Variants in FRMD4B observed in about 807,000 individuals in gnomAD.
FRMD4B encodes FERM domain containing 4B, also known as FERM domain-containing protein 4B.
FRMD4B carries 74 observed loss-of-function variants against 141.5 expected under a neutral mutation model. The ratio of observed to expected loss-of-function variants is 0.52; its 90% CI spans 0.43 to 0.63. FRMD4B has a LOEUF of 0.63. FRMD4B is among the 30% of genes least tolerant of loss of function. FRMD4B has a pLI of 0.00. For missense variants in FRMD4B, 1,366 were observed against 1,253.4 expected (o/e 1.09, Z -1.36); for synonymous variants, 506 against 467.9 (o/e 1.08, Z -1.05).
intron 1 of FRMD4B, among the ~76,000 whole-genome samples, chr3:69,443,042 G>A (rs1705363615): frequency 6.6e-6 from 1 of 152,172 alleles, no homozygotes; most frequent in South Asian, 2.1e-4. Flanking sequence ...CTGAGTTTAT[G>A]TTAATGAGAT....
chr3:69,314,270 G>GT (rs1701729366), intron 1 of FRMD4B, among the ~76,000 whole-genome samples: 1 of 133,226 alleles, frequency 7.5e-6, no homozygotes, highest in Admixed American at 8.2e-5. Context: ...GCTCACTCCT[G>GT]TAATCCTAGC....
rs1460409802 is a variant in FRMD4B, at chr3:69,169,370, T to TA, written c.*2490_*2491insT. ...ATTTCTTTCTTTTTTTTTTTTTTTTTTTTTTCTTGAGACAAGGTCTGTTAT... is the reference window on the plus strand; with the variant it reads ...ATTTCTTTCTTTTTTTTTTTTTTTTTATTTTTCTTGAGACAAGGTCTGTTAT... On this transcript the variant is annotated 3_prime_UTR_variant, in exon 23 of 23. Coordinates refer to ENST00000398540, the MANE Select transcript of FRMD4B (RefSeq NM_015123.3). 9.5e-5 allele frequency among the ~76,000 whole-genome samples: 14 copies of TA among 148,050 alleles called. No homozygotes were observed. The highest frequency in any genetic ancestry group is 3.3e-4 in the African/African-American group (13 of 39,198).
In FRMD4B at chr3:69,193,630, AC is replaced by A. The variant is rs2092865182; in HGVS notation, c.1714+17del. ...CTGAGTAGGGGACTCAAAAAAAAAA[AC>A]CTTACTTATTACTAACCTGGTAACA... On this transcript the variant is annotated intron_variant, in intron 17 of 22. Transcript: ENST00000398540. 1.4e-6 allele frequency: 2 copies of A among 1,432,730 alleles called. No homozygotes were observed. Among genetic ancestry groups the A allele is most frequent in the East Asian group, 4.6e-5 (2 of 43,774 alleles). The allele number at this position is 1,432,730 out of a possible 1,614,324, so 88.8% of individuals were successfully genotyped here. A position where few individuals can be genotyped will look rare whatever the true frequency, so the allele number is the denominator to read the frequency against.
chr3:69,511,942 C>T (rs1411616262), intron 1 of FRMD4B, among the ~76,000 whole-genome samples: 2 of 152,140 alleles, frequency 1.3e-5, no homozygotes, highest in African/African-American at 4.8e-5. Flanking sequence ...TCAGCGAAGA[C>T]ATCCTGGAGG....
At chr3:69,172,982 G>A (rs146575035) in intron 22 of FRMD4B, among the ~76,000 whole-genome samples, 1 of 152,114 alleles carries the variant, frequency 6.6e-6, no homozygotes, top group Admixed American at 6.5e-5. Context: ...ACATCAGTCA[G>A]TGCAAGCAAA....
chr3:69,438,315 AGGTTGTTCCTGAACTCTC>A (rs1300480366), intron 1 of FRMD4B, among the ~76,000 whole-genome samples: 1 of 151,880 alleles, frequency 6.6e-6, no homozygotes, highest in African/African-American at 2.4e-5. Context: ...TTTGTTGCTC[AGGTTGTTCCTGAACTCTC>A]GGTTTCAAAT....
intron 1 of FRMD4B, among the ~76,000 whole-genome samples, chr3:69,486,583 T>G (rs1224816742): frequency 6.6e-6 from 1 of 152,106 alleles, no homozygotes; most frequent in African/African-American, 2.4e-5. Context: ...ATAACTTCAC[T>G]CTGGAGTGAG....
intron 1 of FRMD4B, among the ~76,000 whole-genome samples, chr3:69,358,338 T>A (rs147439855): frequency 8.9e-4 from 136 of 152,314 alleles, no homozygotes; most frequent in Non-Finnish European, 1.5e-3. Flanking sequence ...TTCTTAATCA[T>A]TTTTGAACAA....
chr3:69,171,946 T>C lies in FRMD4B; in HGVS notation c.3020A>G (p.Asp1007Gly), dbSNP rs1475730358. 2 of 1,612,278 alleles carry C rather than the reference T, an allele frequency of 1.2e-6. No individual in the cohort carries two copies. The highest frequency in any genetic ancestry group is 4.5e-5 in the East Asian group (2 of 44,876). ...YTEISQLDGT[D>G]GNQLEDNLES... ...CAGGTTGTCTTCCAGCTGGTTTCCA[T>C]CTGTACCATCCAGTTGACTGATTTC... The change falls in exon 23 of 23, where the codon GAT (aspartate) becomes GGT (glycine). Residue 1007 changes from aspartate to glycine, a missense_variant. Coordinates refer to ENST00000398540, the MANE Select transcript of FRMD4B (RefSeq NM_015123.3).
chr3:69,448,698 T>G (rs555400414), intron 1 of FRMD4B, among the ~76,000 whole-genome samples: 48 of 152,360 alleles, frequency 3.2e-4, no homozygotes, highest in Middle Eastern at 3.4e-3. Context: ...ATACAAGAGA[T>G]ACAAATAATT....
chr3:69,314,300 G>T (rs1701730747), intron 1 of FRMD4B, among the ~76,000 whole-genome samples: 1 of 148,854 alleles, frequency 6.7e-6, no homozygotes, highest in African/African-American at 2.5e-5. Context: ...GGCAGAGGCA[G>T]GCAGATCACT....
intron 1 of FRMD4B, among the ~76,000 whole-genome samples, chr3:69,354,220 T>A (rs1047574266): frequency 1.5e-4 from 23 of 152,300 alleles, no homozygotes; most frequent in African/African-American, 5.3e-4. Flanking sequence ...TTCATTTCAC[T>A]ATTTGCATTT....
intron 1 of FRMD4B, among the ~76,000 whole-genome samples, chr3:69,371,811 A>G (rs955203379): frequency 6.6e-6 from 1 of 152,240 alleles, no homozygotes; most frequent in African/African-American, 2.4e-5. Context: ...CTGAGAGGGC[A>G]GAGCTTCTTG....
At chr3:69,281,490 C>T (rs1376579899) in intron 5 of FRMD4B, among the ~76,000 whole-genome samples, 1 of 152,048 alleles carries the variant, frequency 6.6e-6, no homozygotes, top group Non-Finnish European at 1.5e-5. Flanking sequence ...TGTTAGTCAA[C>T]CACAATTTAC....
intron 1 of FRMD4B, among the ~76,000 whole-genome samples, chr3:69,356,995 A>C (rs1703342731): frequency 6.6e-6 from 1 of 152,118 alleles, no homozygotes; most frequent in Non-Finnish European, 1.5e-5. Context: ...CTAATATGTC[A>C]GTTTGTGTGA....
chr3:69,318,582 A>G (rs1403188673), intron 1 of FRMD4B, among the ~76,000 whole-genome samples: 6 of 152,130 alleles, frequency 3.9e-5, no homozygotes, highest in Non-Finnish European at 8.8e-5. Flanking sequence ...CGCAGCACAC[A>G]TGGTGTTCAG....
chr3:69,194,190 T>A (rs1007803737), intron 16 of FRMD4B, among the ~76,000 whole-genome samples: 1 of 152,248 alleles, frequency 6.6e-6, no homozygotes, highest in Non-Finnish European at 1.5e-5. Flanking sequence ...AGATTATATT[T>A]ATATGCATAG....
At chr3:69,386,754 T>A (rs1008197339), upstream of FRMD4B, among the ~76,000 whole-genome samples, 2 of 152,178 alleles carry the variant, frequency 1.3e-5, no homozygotes, top group Non-Finnish European at 2.9e-5. Context: ...CCTCCTGTGG[T>A]TGCCAGCAGG....
chr3:69,439,640 G>C (rs1313111016), intron 1 of FRMD4B, among the ~76,000 whole-genome samples: 2 of 152,306 alleles, frequency 1.3e-5, no homozygotes, highest in Admixed American at 6.5e-5. Context: ...TTGTGTGGTA[G>C]AATCTGTGTG....
Sources: allele counts gnomAD v4.1 joint callset (sites outside exome capture counted in the v4.1 genomes callset), GRCh38; gene constraint gnomAD v4.1.1; transcripts MANE v1.5; gene names NCBI Gene and HGNC (gene_info 2026-07-23, HGNC 2026-07-21).